Variants in THSD7B observed in about 807,000 individuals in gnomAD.
THSD7B encodes thrombospondin type-1 domain-containing protein 7B.
In THSD7B, 138 loss-of-function variants were observed where a neutral mutation model predicts 213.6. The ratio of observed to expected loss-of-function variants is 0.65; its 90% CI spans 0.56 to 0.74. The LOEUF (loss-of-function observed/expected upper bound fraction) is 0.74. THSD7B is among the 30% of genes least tolerant of loss of function. THSD7B has a pLI of 0.00. For synonymous variants in THSD7B, 742 were observed against 687.0 expected (o/e 1.08, Z -1.25); for missense variants, 1,931 against 1,991.5 (o/e 0.97, Z 0.58).
Position 136,832,353 on chromosome 2 carries a change from G to C in THSD7B, c.-35-49791G>C, listed in dbSNP as rs573794862. ...CTGAGTTTGAAGGCCTGAGAACCAGGGGGGTGGATGGTTTAAGTCTCAGTC... is the reference window on the plus strand; with the variant it reads ...CTGAGTTTGAAGGCCTGAGAACCAGCGGGGTGGATGGTTTAAGTCTCAGTC... On this transcript the variant is annotated intron_variant, in intron 1 of 27. Transcript: ENST00000409968. Among the ~76,000 whole-genome samples the C allele has an allele frequency of 1.3e-4, 20 of 152,194 alleles. No individual in the cohort carries two copies. In the East Asian group the frequency reaches 3.3e-3, roughly 25 times the overall value.
At chr2:137,390,726 A>C (rs1035742005) in intron 12 of THSD7B, among the ~76,000 whole-genome samples, 10 of 152,226 alleles carry the variant, frequency 6.6e-5, no homozygotes, top group Admixed American at 3.3e-4. Context: ...TAATGTGTTG[A>C]GAGTTTTTAT....
chr2:136,765,776 G>C (rs1035347891), intron 1 of THSD7B, 89 bp downstream of exon 1: 4 of 152,264 alleles, frequency 2.6e-5, no homozygotes. Flanking sequence ...CCGGGGAAGG[G>C]GGCGCGCTGC....
chr2:137,513,895 C>T (rs1217298275), intron 15 of THSD7B, among the ~76,000 whole-genome samples: 3 of 152,174 alleles, frequency 2.0e-5, no homozygotes, highest in African/African-American at 7.2e-5. Context: ...GTGCCAGACA[C>T]ACATACTTTG....
At chr2:137,666,913 C>G (rs1039853049) in intron 26 of THSD7B, among the ~76,000 whole-genome samples, 2 of 151,870 alleles carry the variant, frequency 1.3e-5, no homozygotes, top group Non-Finnish European at 2.9e-5. Context: ...GATATCAGAT[C>G]CAGAATAATG....
At chr2:137,419,698 G>A (rs541771360) in intron 14 of THSD7B, among the ~76,000 whole-genome samples, 57 of 151,846 alleles carry the variant, frequency 3.8e-4, no homozygotes, top group Non-Finnish European at 2.9e-4. Context: ...GGGATCGATC[G>A]GTGGAAAGCA....
intron 14 of THSD7B, 22 bp from the exon 15 acceptor site, chr2:137,450,823 C>G (rs1238342253): frequency 1.9e-6 from 3 of 1,553,200 alleles, no homozygotes; most frequent in Admixed American, 3.8e-5. Flanking sequence ...AGACTTTCTT[C>G]TCTTAAATCT....
At chr2:137,584,787 C>T (rs1328887247) in intron 17 of THSD7B, among the ~76,000 whole-genome samples, 1 of 152,120 alleles carries the variant, frequency 6.6e-6, no homozygotes, top group East Asian at 1.9e-4. Context: ...GGATATTGGT[C>T]TAAAATTCTC....
chr2:136,968,316 G>A (rs1685352886), intron 2 of THSD7B, among the ~76,000 whole-genome samples: 1 of 152,046 alleles, frequency 6.6e-6, no homozygotes, highest in Non-Finnish European at 1.5e-5. Flanking sequence ...GTTTATGTGT[G>A]TGGATTTAAA....
intron 2 of THSD7B, among the ~76,000 whole-genome samples, chr2:136,979,420 A>T (rs1202468400): frequency 6.6e-6 from 1 of 152,088 alleles, no homozygotes; most frequent in African/African-American, 2.4e-5. Flanking sequence ...TGTCTCTTTC[A>T]GGTACCTCAG....
At chr2:136,954,714 C>CAAAAAAAAAAAAAA (rs11378111) in intron 2 of THSD7B, among the ~76,000 whole-genome samples, 1 of 89,400 alleles carries the variant, frequency 1.1e-5, no homozygotes, top group African/African-American at 5.6e-5. Context: ...GACTCTGTCT[C>CAAAAAAAAAAAAAA]AAAAAAAAAA....
At chr2:136,819,300 A>G (rs1682533053) in intron 1 of THSD7B, among the ~76,000 whole-genome samples, 1 of 152,150 alleles carries the variant, frequency 6.6e-6, no homozygotes, top group South Asian at 2.1e-4. Context: ...CCTGCTCATT[A>G]CATCTTCTTC....
intron 17 of THSD7B, among the ~76,000 whole-genome samples, chr2:137,582,006 G>A (rs554163467): frequency 6.6e-6 from 1 of 151,834 alleles, no homozygotes; most frequent in South Asian, 2.1e-4. Context: ...TGAGGCATGA[G>A]GATTGCTTGA....
At chr2:137,317,261 T>C (rs913138937) in intron 12 of THSD7B, among the ~76,000 whole-genome samples, 31 of 152,252 alleles carry the variant, frequency 2.0e-4, no homozygotes, top group Non-Finnish European at 4.3e-4. Context: ...AAGTCCTTTA[T>C]GATACAAACA....
At chr2:136,772,638 G>A (rs1426280040) in intron 1 of THSD7B, among the ~76,000 whole-genome samples, 1 of 152,154 alleles carries the variant, frequency 6.6e-6, no homozygotes, top group Non-Finnish European at 1.5e-5. Context: ...TGTTCGATGT[G>A]AGTGGGGGTT....
chr2:137,137,966 C>A (rs1431975323), intron 5 of THSD7B, among the ~76,000 whole-genome samples: 1 of 151,894 alleles, frequency 6.6e-6, no homozygotes, highest in Non-Finnish European at 1.5e-5. Context: ...TGGTGTGATC[C>A]CAGTTCACTG....
intron 7 of THSD7B, among the ~76,000 whole-genome samples, chr2:137,194,833 G>GTT (rs1167265889): frequency 6.6e-6 from 1 of 152,060 alleles, no homozygotes; most frequent in African/African-American, 2.4e-5. Context: ...ACTCTCTAGG[G>GTT]TTTTCCAGGT....
At chr2:136,871,558 G>A (rs986188287) in intron 1 of THSD7B, among the ~76,000 whole-genome samples, 1 of 152,176 alleles carries the variant, frequency 6.6e-6, no homozygotes, top group Non-Finnish European at 1.5e-5. Context: ...AGAAATGTTA[G>A]GGGGTGATAA....
intron 1 of THSD7B, among the ~76,000 whole-genome samples, chr2:136,877,454 G>A (rs757713689): frequency 5.1e-4 from 78 of 152,138 alleles, no homozygotes; most frequent in Non-Finnish European, 8.7e-4. Flanking sequence ...AACCATTCAA[G>A]CAACGGAGCT....
intron 12 of THSD7B, among the ~76,000 whole-genome samples, chr2:137,306,043 G>C (rs572735491): frequency 8.5e-4 from 130 of 152,232 alleles, no homozygotes; most frequent in African/African-American, 2.9e-3. Flanking sequence ...ACCATGAATG[G>C]AATTTGCAGG....
Sources: allele counts gnomAD v4.1 joint callset (sites outside exome capture counted in the v4.1 genomes callset), GRCh38; gene constraint gnomAD v4.1.1; transcripts MANE v1.5; gene names NCBI Gene and HGNC (gene_info 2026-07-23, HGNC 2026-07-21).